FGFR3: variants seen among roughly 807,000 people sequenced by gnomAD.
FGFR3 encodes FGFR-3.
FGFR3 carries 25 observed loss-of-function variants against 82.9 expected under a neutral mutation model. That is an observed-to-expected ratio of 0.30 (90% CI 0.22 to 0.42). The LOEUF (loss-of-function observed/expected upper bound fraction) is 0.42. Among genes scored for constraint, FGFR3 ranks in the 10% least tolerant of loss-of-function variants. The probability of loss-of-function intolerance (pLI) is 1.00; values close to 1 mark genes in which losing one functional copy is unlikely to be tolerated. For synonymous variants in FGFR3, 620 were observed against 516.0 expected, an observed-to-expected ratio of 1.20 and a Z score of -2.73; for missense variants, 1,026 against 1,161.0, an observed-to-expected ratio of 0.88 and a Z score of 1.69.
rs893426010 is a variant in FGFR3 at position 1,807,341 on chromosome 4, A to C, written c.*79A>C. On this transcript the variant is annotated 3_prime_UTR_variant, in exon 18 of 18. Transcript: ENST00000440486. ...TGGTGCACAGCCACTCCCCGGCATG[A>C]GACTCAGTGCAGATGGAGAGACAGC... is the stretch of plus-strand genomic sequence containing the variant. 8 of 1,525,016 alleles carry C rather than the reference A, an allele frequency of 5.2e-6. No homozygotes were observed. The highest frequency in any genetic ancestry group is 6.2e-6 in the Non-Finnish European group (7 of 1,134,540). The allele number at this position is 1,525,016 out of a possible 1,614,324, so 94.5% of individuals were successfully genotyped here.
chr4:1,795,371 G>T (rs1349148253), intron 2 of FGFR3, among the ~76,000 whole-genome samples: 16 of 151,884 alleles, frequency 1.1e-4, no homozygotes, highest in Admixed American at 1.0e-3. Flanking sequence ...GCCTCTCCTG[G>T]ACCCCCTGCG....
intron 8 of FGFR3, among the ~76,000 whole-genome samples, chr4:1,804,062 C>A (rs369482995): frequency 6.6e-6 from 1 of 152,230 alleles, no homozygotes; most frequent in African/African-American, 2.4e-5. Context: ...CATCTGGGTC[C>A]CCAAAGGCCT....
chr4:1,805,977 G>T (rs1365895285), intron 13 of FGFR3, 37 bp downstream of exon 13: 1 of 1,610,190 alleles, frequency 6.2e-7, no homozygotes, highest in South Asian at 1.1e-5. Flanking sequence ...AGTAGGCTGG[G>T]CCCTGCCCTG....
At position 1,799,270 on chromosome 4, in the gene FGFR3, G is replaced by C; in HGVS notation, c.126G>C (p.Glu42Asp). The change falls in exon 3 of 18, where the codon GAG becomes GAC. Residue 42 changes from glutamate to aspartate, a missense_variant. Physicochemically the swap from Glu to Asp is conservative, Grantham distance 45 (BLOSUM62 2). Coordinates refer to ENST00000440486, the MANE Select transcript of FGFR3 (RefSeq NM_000142.5). ...VGRAAEVPGP[E>D]PGQQEQLVFG... ...TCCCCACAGAAGTCCCGGGCCCAGAGCCCGGCCAGCAGGAGCAGTTGGTCT... is the reference window on the plus strand; with the variant it reads ...TCCCCACAGAAGTCCCGGGCCCAGACCCCGGCCAGCAGGAGCAGTTGGTCT... The C allele has an allele frequency of 6.2e-7, 1 of 1,612,610 alleles. No individual in the cohort carries two copies. The highest frequency in any genetic ancestry group is 1.1e-5 in the South Asian group (1 of 91,080).
intron 1 of FGFR3, 32 bp from the exon 2 acceptor site, chr4:1,793,801 C>T: frequency 5.9e-6 from 1 of 169,406 alleles, no homozygotes; most frequent in Non-Finnish European, 1.2e-5. Flanking sequence ...CCCTGTCCGC[C>T]CCTCTAACGA....
intron 9 of FGFR3, 73 bp downstream of exon 9, chr4:1,804,593 C>CTGG: frequency 6.3e-7 from 1 of 1,580,742 alleles, no homozygotes; most frequent in Non-Finnish European, 8.6e-7. Flanking sequence ...TCGGCCCACG[C>CTGG]TGGTCCTGGG....
chr4:1,801,583 T>A, intron 5 of FGFR3, 37 bp from the exon 6 acceptor site: 1 of 1,587,998 alleles, frequency 6.3e-7, no homozygotes, highest in Non-Finnish European at 8.6e-7. Flanking sequence ...CGGTGGTTGC[T>A]GCCTCCGCTC....
At chr4:1,804,062 C>T (rs369482995) in intron 8 of FGFR3, among the ~76,000 whole-genome samples, 147 of 152,346 alleles carry the variant, frequency 9.6e-4, no homozygotes, top group African/African-American at 3.3e-3. Context: ...CATCTGGGTC[C>T]CCAAAGGCCT....
At chr4:1,804,762 C>T (rs988749006) in intron 9 of FGFR3, 62 bp from the exon 10 acceptor site, 65 of 1,545,216 alleles carry the variant, frequency 4.2e-5, no homozygotes, top group Middle Eastern at 2.2e-4. Context: ...CACTGACCCC[C>T]GGCTGTACCT....
chr4:1,796,802 C>G (rs376424055), intron 2 of FGFR3, among the ~76,000 whole-genome samples: 2 of 152,202 alleles, frequency 1.3e-5, no homozygotes, highest in African/African-American at 4.8e-5. Context: ...TCACCCCTAC[C>G]CTCACTCCTG....
chr4:1,806,962 C>A, intron 17 of FGFR3, 28 bp downstream of exon 17: 1 of 1,575,710 alleles, frequency 6.3e-7, no homozygotes, highest in Admixed American at 1.8e-5. Context: ...CCTGGTGCCA[C>A]CCGCCTATGC....
Position 1,799,417 on chromosome 4 carries a change from C to G in FGFR3, c.273C>G (p.Pro91=). ...CCTCGGAGCGTGTCCTGGTGGGGCC[C>G]CAGCGGCTGCAGGTGCTGAATGCCT... is the stretch of plus-strand genomic sequence containing the variant. ...LVPSERVLVG[P]QRLQVLNASH... The change falls in exon 3 of 18, where the codon CCC becomes CCG. Residue 91 remains proline (P), a synonymous_variant. Transcript: ENST00000440486. 2 of 1,611,662 alleles carry G rather than the reference C, an allele frequency of 1.2e-6. No individual in the cohort carries two copies. Among genetic ancestry groups the G allele is most frequent in the Non-Finnish European group, 1.7e-6 (2 of 1,179,550 alleles).
At position 1,807,980 on chromosome 4, in the gene FGFR3, G is replaced by A. The variant is rs1224205066; in HGVS notation, c.*718G>A. On this transcript the variant is annotated 3_prime_UTR_variant, in exon 18 of 18. Transcript: ENST00000440486. ...TGCGACCCTGGGGGCACAGGAGGCA[G>A]GCATGGCCCTGGGCGGGGCGTGGGG... 6 of 252,914 alleles carry A rather than the reference G, an allele frequency of 2.4e-5. No individual in the cohort carries two copies. 15.7% of individuals were successfully genotyped at this position (252,914 alleles called of 1,614,324 possible). A position where few individuals can be genotyped will look rare whatever the true frequency, so the allele number is the denominator to read the frequency against.
intron 9 of FGFR3, 151 bp downstream of exon 9, chr4:1,804,671 A>G (rs1721649637): frequency 1.4e-6 from 2 of 1,420,926 alleles, no homozygotes; most frequent in African/African-American, 2.8e-5. Context: ...TGTAGAGCCT[A>G]GGGTACTTTG....
In FGFR3 at chr4:1,803,745, C is replaced by T. The variant is rs753213058; in HGVS notation, c.984C>T (p.Asn328=). The stretch of plus-strand genomic sequence containing the variant: ...AGCTAGAGGTTCTCTCCTTGCACAA[C>T]GTCACCTTTGAGGACGCCGGGGAGT... The part of the protein sequence containing the change: ...DKELEVLSLH[N]VTFEDAGEYT... Residue 328 remains asparagine, a synonymous_variant, in exon 8 of 18, where the codon AAC becomes AAT. Transcript: ENST00000440486. 69 of 1,613,964 alleles carry T rather than the reference C, an allele frequency of 4.3e-5. No homozygotes were observed. Among genetic ancestry groups the T allele is most frequent in the Middle Eastern group, 1.6e-4 (1 of 6,084 alleles).
intron 2 of FGFR3, among the ~76,000 whole-genome samples, chr4:1,797,429 C>T (rs555289081): frequency 1.2e-4 from 18 of 152,340 alleles, no homozygotes; most frequent in South Asian, 8.3e-4. Context: ...CCACCACACA[C>T]GGGCAGATGG....
In FGFR3 at chr4:1,799,530, T is replaced by C. The variant is rs1720941537; in HGVS notation, c.379+7T>C. The C allele has an allele frequency of 6.4e-6, 10 of 1,552,436 alleles. No individual in the cohort carries two copies. Among genetic ancestry groups the C allele is most frequent in the Non-Finnish European group, 8.7e-6 (10 of 1,148,898 alleles). On this transcript the variant is annotated splice_region_variant and intron_variant, in intron 3 of 17. Coordinates refer to ENST00000440486, the MANE Select transcript of FGFR3 (RefSeq NM_000142.5). ...TTCAGTGTGCGGGTGACAGGTGAGC[T>C]CTGGGGCCACGCCAGCTACAGAAAG...
intron 11 of FGFR3, 22 bp downstream of exon 11, chr4:1,805,498 G>T: frequency 1.2e-6 from 2 of 1,612,354 alleles, no homozygotes; most frequent in Non-Finnish European, 1.7e-6. Flanking sequence ...GCGGCCAGGG[G>T]TGCAGAGCAG....
chr4:1,795,102 C>T (rs1720323799), intron 2 of FGFR3, among the ~76,000 whole-genome samples: 1 of 151,578 alleles, frequency 6.6e-6, no homozygotes, highest in Non-Finnish European at 1.5e-5. Context: ...GCTGCAGCCT[C>T]CCGGAACAAT....
Sources: allele counts gnomAD v4.1 joint callset (sites outside exome capture counted in the v4.1 genomes callset), GRCh38; gene constraint gnomAD v4.1.1; transcripts MANE v1.5; gene names NCBI Gene and HGNC (gene_info 2026-07-23, HGNC 2026-07-21).